PRKD1: variants seen among roughly 807,000 people sequenced by gnomAD.
PRKD1 encodes serine/threonine-protein kinase D1.
In PRKD1, 63 loss-of-function variants were observed where a neutral mutation model predicts 95.9. That is an observed-to-expected ratio of 0.66 (90% CI 0.54 to 0.81). The LOEUF (loss-of-function observed/expected upper bound fraction) is 0.81, where lower values mean the gene tolerates loss of function less well. Ranked by LOEUF, PRKD1 falls within the 30% of genes least tolerant of loss-of-function variation. The pLI is 0.00. For missense variants in PRKD1, 1,048 were observed against 1,165.3 expected, an observed-to-expected ratio of 0.90 and a Z score of 1.47; for synonymous variants, 425 against 423.1, an observed-to-expected ratio of 1.00 and a Z score of -0.05.
intron 4 of PRKD1, among the ~76,000 whole-genome samples, chr14:29,658,139 C>A (rs1297822681): frequency 3.9e-5 from 6 of 152,122 alleles, no homozygotes; most frequent in Admixed American, 3.9e-4. Flanking sequence ...ATCTGATACC[C>A]AAAGTGTATA....
intron 16 of PRKD1, among the ~76,000 whole-genome samples, chr14:29,581,734 A>G (rs1015462557): frequency 1.3e-5 from 2 of 152,190 alleles, no homozygotes; most frequent in African/African-American, 4.8e-5. Flanking sequence ...ATGTGTGTGT[A>G]TGTGTATGTA....
rs369926401 is a variant in PRKD1, at chr14:29,638,915, G to A, written c.697-11C>T. 1.1e-4 allele frequency: 173 copies of A among 1,610,896 alleles called. No homozygotes were observed. The highest frequency in any genetic ancestry group is 4.0e-4 in the South Asian group (36 of 90,986). ...TGATGGTGATTTTTGCTACATTTTG[G>A]AAAACAATAAAGGAAGCAAGATGTA... is the stretch of plus-strand genomic sequence containing the variant. On this transcript the variant is annotated splice_polypyrimidine_tract_variant and intron_variant, in intron 4 of 17. Coordinates refer to ENST00000331968, the MANE Select transcript of PRKD1 (RefSeq NM_002742.3).
intron 2 of PRKD1, among the ~76,000 whole-genome samples, chr14:29,686,973 AGTCT>A (rs1459232184): frequency 6.9e-6 from 1 of 145,570 alleles, no homozygotes; most frequent in Non-Finnish European, 1.5e-5. Flanking sequence ...TCTAAAGCTC[AGTCT>A]GTTTTACTTC....
chr14:29,716,926 A>G (rs1005397861), intron 2 of PRKD1, among the ~76,000 whole-genome samples: 9 of 152,322 alleles, frequency 5.9e-5, no homozygotes, highest in Admixed American at 2.0e-4. Flanking sequence ...TAAAAACAGG[A>G]CTTTTAAAAA....
intron 1 of PRKD1, among the ~76,000 whole-genome samples, chr14:29,862,561 A>G (rs1420325039): frequency 2.0e-5 from 3 of 152,306 alleles, no homozygotes; most frequent in Admixed American, 2.0e-4. Context: ...TTTGGATAGA[A>G]GCCATTTTAA....
intron 1 of PRKD1, among the ~76,000 whole-genome samples, chr14:29,914,102 A>G (rs1894810496): frequency 6.6e-6 from 1 of 152,222 alleles, no homozygotes; most frequent in South Asian, 2.1e-4. Context: ...TGAATTGTGA[A>G]TGTGCTTTAG....
chr14:29,909,274 T>TCCCCCCTACCCAACCCCCCCCG (rs1894612888), intron 1 of PRKD1, among the ~76,000 whole-genome samples: 1 of 113,116 alleles, frequency 8.8e-6, no homozygotes, highest in African/African-American at 3.4e-5. Context: ...TGCCCGAGCC[T>TCCCCCCTACCCAACCCCCCCCG]CCCCCCTACC....
chr14:29,605,453 TCATA>T (rs1456895652), intron 13 of PRKD1, among the ~76,000 whole-genome samples: 1 of 152,206 alleles, frequency 6.6e-6, no homozygotes, highest in Non-Finnish European at 1.5e-5. Flanking sequence ...TTCTATGTTT[TCATA>T]CATACTACCC....
At chr14:29,862,537 G>A (rs1019659369) in intron 1 of PRKD1, among the ~76,000 whole-genome samples, 3 of 152,110 alleles carry the variant, frequency 2.0e-5, no homozygotes, top group Non-Finnish European at 4.4e-5. Flanking sequence ...ATAATCACCA[G>A]CATTTATTTG....
intron 1 of PRKD1, among the ~76,000 whole-genome samples, chr14:29,726,075 A>G (rs534548018): frequency 2.6e-5 from 4 of 152,326 alleles, no homozygotes; most frequent in South Asian, 4.1e-4. Context: ...ATTACACATA[A>G]TAATGGCAAT....
At chr14:29,773,713 C>T (rs969253463) in intron 1 of PRKD1, among the ~76,000 whole-genome samples, 1 of 152,048 alleles carries the variant, frequency 6.6e-6, no homozygotes, top group Non-Finnish European at 1.5e-5. Flanking sequence ...TTAGTTATGA[C>T]CATTGCTAGT....
intron 1 of PRKD1, among the ~76,000 whole-genome samples, chr14:29,743,315 G>A (rs1371071854): frequency 1.3e-5 from 2 of 152,112 alleles, no homozygotes; most frequent in Non-Finnish European, 2.9e-5. Flanking sequence ...TCTAGATTCA[G>A]TCACTGCACT....
At chr14:29,743,637 C>T (rs1213885668) in intron 1 of PRKD1, among the ~76,000 whole-genome samples, 1 of 152,112 alleles carries the variant, frequency 6.6e-6, no homozygotes, top group East Asian at 1.9e-4. Context: ...CTTCAGATTC[C>T]ACCCCATTTA....
At chr14:29,673,108 G>A (rs1388381269) in intron 2 of PRKD1, among the ~76,000 whole-genome samples, 2 of 152,112 alleles carry the variant, frequency 1.3e-5, no homozygotes, top group Non-Finnish European at 2.9e-5. Flanking sequence ...AAGCAGCAAC[G>A]CCTCCTGCCA....
At chr14:29,825,681 G>A (rs1219727060) in intron 1 of PRKD1, among the ~76,000 whole-genome samples, 3 of 151,984 alleles carry the variant, frequency 2.0e-5, no homozygotes, top group South Asian at 2.1e-4. Context: ...TTAAGACCTG[G>A]ACTGTTTATC....
At chr14:29,636,246 C>A (rs765040851) in intron 7 of PRKD1, 44 bp downstream of exon 7, 1 of 1,606,848 alleles carries the variant, frequency 6.2e-7, no homozygotes, top group Non-Finnish European at 8.5e-7. Flanking sequence ...GAAAATACTG[C>A]CTGGGGTTCC....
intron 1 of PRKD1, among the ~76,000 whole-genome samples, chr14:29,832,504 T>C (rs1891450838): frequency 6.6e-6 from 1 of 152,114 alleles, no homozygotes; most frequent in South Asian, 2.1e-4. Context: ...TATCCTTTAT[T>C]ATACAGAGAC....
At chr14:29,762,328 T>G (rs764714564) in intron 1 of PRKD1, among the ~76,000 whole-genome samples, 1 of 152,056 alleles carries the variant, frequency 6.6e-6, no homozygotes, top group Non-Finnish European at 1.5e-5. Context: ...TCCACTCCCT[T>G]TGTCTTCATA....
At chr14:29,912,779 G>A (rs911053600) in intron 1 of PRKD1, among the ~76,000 whole-genome samples, 4 of 152,286 alleles carry the variant, frequency 2.6e-5, no homozygotes, top group African/African-American at 4.8e-5. Context: ...AGTACAACTT[G>A]AAACTATGAT....
Sources: gnomAD v4.1 joint callset for allele counts (sites outside exome capture counted in the v4.1 genomes callset) on GRCh38, gnomAD v4.1.1 for gene constraint, MANE v1.5 for transcripts, NCBI Gene and HGNC (gene_info 2026-07-23, HGNC 2026-07-21) for gene names.